Variants in ZMYND11 observed in about 807,000 individuals in gnomAD.
The protein encoded by ZMYND11 is zinc finger MYND-type containing 11, also known as zinc finger MYND domain-containing protein 11.
In ZMYND11, 9 loss-of-function variants were observed where a neutral mutation model predicts 84.9. That is an observed-to-expected ratio of 0.11 (90% CI 0.06 to 0.18). The LOEUF is 0.18. Among genes scored for constraint, ZMYND11 ranks in the 10% least tolerant of loss-of-function variants. The probability of loss-of-function intolerance (pLI) is 1.00; values close to 1 mark genes in which losing one functional copy is unlikely to be tolerated. For synonymous variants in ZMYND11, 250 were observed against 244.1 expected (o/e 1.02, Z -0.23); for missense variants, 409 against 761.0 (o/e 0.54, Z 5.44).
At chr10:247,038 A>G in intron 11 of ZMYND11, 65 bp downstream of exon 11, 1 of 1,417,204 alleles carries the variant, frequency 7.1e-7, no homozygotes. Flanking sequence ...ATCTTAGTGC[A>G]CACTCCTCAC....
intron 2 of ZMYND11, among the ~76,000 whole-genome samples, chr10:182,011 T>G (rs1847989912): frequency 1.3e-5 from 2 of 152,020 alleles, no homozygotes; most frequent in African/African-American, 4.8e-5. Context: ...TAAAATAAGG[T>G]TTTCTTTGGA....
chr10:180,937 C>T (rs1287099861), intron 2 of ZMYND11, among the ~76,000 whole-genome samples: 1 of 151,880 alleles, frequency 6.6e-6, no homozygotes, highest in Non-Finnish European at 1.5e-5. Flanking sequence ...CCCCCATCCC[C>T]TAGTTTCTCA....
chr10:228,948 GTGTA>G (rs1380800268), intron 4 of ZMYND11, among the ~76,000 whole-genome samples: 1 of 152,156 alleles, frequency 6.6e-6, no homozygotes, highest in Admixed American at 6.5e-5. Context: ...AGGTGTGTGT[GTGTA>G]TGTGTGTACC....
intron 2 of ZMYND11, among the ~76,000 whole-genome samples, chr10:206,413 A>G (rs144955078): frequency 9.2e-4 from 140 of 152,346 alleles, no homozygotes; most frequent in African/African-American, 3.2e-3. Flanking sequence ...TTCTATAGCC[A>G]TACTTAGTTT....
At position 236,831 on chromosome 10, in the gene ZMYND11, T is replaced by A. The variant is rs1950072373; in HGVS notation, c.439-7T>A. 1 of 1,607,654 alleles carries A rather than the reference T, an allele frequency of 6.2e-7. No homozygotes were observed. The highest frequency in any genetic ancestry group is 1.7e-5 in the Admixed American group (1 of 59,374). ...TGTACCTTTTTTTATTCTTTTTTTT[T>A]CAATAGAGCATTAAGAAGAAGAATA... On this transcript the variant is annotated splice_region_variant and splice_polypyrimidine_tract_variant and intron_variant, in intron 4 of 14. Coordinates refer to ENST00000381604, the MANE Select transcript of ZMYND11 (RefSeq NM_001370100.5).
chr10:230,704 A>AT (rs1451418563), intron 4 of ZMYND11, among the ~76,000 whole-genome samples: 2 of 152,148 alleles, frequency 1.3e-5, no homozygotes, highest in African/African-American at 4.8e-5. Flanking sequence ...AAATAAAATT[A>AT]TTTATGTTGG....
chr10:175,104 G>A (rs1455644691), intron 1 of ZMYND11, among the ~76,000 whole-genome samples: 1 of 152,176 alleles, frequency 6.6e-6, no homozygotes, highest in African/African-American at 2.4e-5. Context: ...GTGGACCTTG[G>A]GTCATAATGA....
chr10:155,359 G>T (rs533480209), intron 1 of ZMYND11, among the ~76,000 whole-genome samples: 15 of 152,176 alleles, frequency 9.9e-5, no homozygotes, highest in Middle Eastern at 3.4e-3. Flanking sequence ...GGTATATAAA[G>T]AATTTTTGGC....
intron 1 of ZMYND11, among the ~76,000 whole-genome samples, chr10:170,079 C>T (rs1038192428): frequency 6.6e-6 from 1 of 152,036 alleles, no homozygotes; most frequent in Non-Finnish European, 1.5e-5. Flanking sequence ...AGAATTACAT[C>T]TGACTTTTCT....
In ZMYND11 at chr10:248,584, T is replaced by C. The variant is rs757408179; in HGVS notation, c.1476T>C (p.Arg492=). ...CGGACCACAAGCGGGAGACAGAGCG[T>C]GTTGTCCGAGAAGCTCTGGAGAAGG... is the stretch of plus-strand genomic sequence containing the variant. The part of the protein sequence containing the change: ...MKSDHKRETE[R]VVREALEKLR... The change falls in exon 13 of 15, where the codon CGT becomes CGC. Residue 492 remains arginine, a synonymous_variant. Transcript: ENST00000381604. 1 of 1,610,894 alleles carries C rather than the reference T, an allele frequency of 6.2e-7. No individual in the cohort carries two copies. The highest frequency in any genetic ancestry group is 8.5e-7 in the Non-Finnish European group (1 of 1,179,168).
intron 2 of ZMYND11, among the ~76,000 whole-genome samples, chr10:189,779 A>G (rs761171473): frequency 6.6e-6 from 1 of 152,236 alleles, no homozygotes; most frequent in Non-Finnish European, 1.5e-5. Flanking sequence ...GTAGTACCAA[A>G]TAACAGGAGA....
At chr10:220,948 T>C (rs1279607387) in intron 3 of ZMYND11, among the ~76,000 whole-genome samples, 1 of 152,190 alleles carries the variant, frequency 6.6e-6, no homozygotes, top group African/African-American at 2.4e-5. Context: ...TTGGACATAC[T>C]TCATTTTGGA....
intron 2 of ZMYND11, among the ~76,000 whole-genome samples, chr10:190,201 A>G (rs1939963970): frequency 6.6e-6 from 1 of 152,054 alleles, no homozygotes; most frequent in African/African-American, 2.4e-5. Context: ...TTTCATCCTT[A>G]TGACTTTCTT....
intron 2 of ZMYND11, among the ~76,000 whole-genome samples, chr10:183,666 A>G (rs941041865): frequency 6.6e-6 from 1 of 152,246 alleles, no homozygotes; most frequent in African/African-American, 2.4e-5. Context: ...AGTTTTAAAA[A>G]TAGGATCCTT....
chr10:176,708 G>T (rs1259584492), intron 1 of ZMYND11, among the ~76,000 whole-genome samples: 1 of 152,146 alleles, frequency 6.6e-6, no homozygotes, highest in Non-Finnish European at 1.5e-5. Flanking sequence ...GAGGACAATT[G>T]AGTTTTATTT....
chr10:184,940 T>C (rs910046501), intron 2 of ZMYND11, among the ~76,000 whole-genome samples: 1 of 152,222 alleles, frequency 6.6e-6, no homozygotes. Flanking sequence ...CTTAGGGTCT[T>C]TTCAACTGAC....
chr10:170,429 TGC>T (rs1372104603), intron 1 of ZMYND11, among the ~76,000 whole-genome samples: 11 of 37,178 alleles, frequency 3.0e-4, no homozygotes, highest in Admixed American at 4.4e-4. Context: ...TGATTATGTG[TGC>T]GTGTGTGTGT....
At chr10:235,487 T>C (rs1949791375) in intron 4 of ZMYND11, among the ~76,000 whole-genome samples, 1 of 152,132 alleles carries the variant, frequency 6.6e-6, no homozygotes, top group Non-Finnish European at 1.5e-5. Context: ...ATCTATGCCA[T>C]GGACACTCTG....
chr10:194,548 A>G (rs1941266194), intron 2 of ZMYND11, among the ~76,000 whole-genome samples: 1 of 152,198 alleles, frequency 6.6e-6, no homozygotes, highest in Non-Finnish European at 1.5e-5. Flanking sequence ...AATCTATGAG[A>G]GTTCCAAATT....
Sources: allele counts gnomAD v4.1 joint callset (sites outside exome capture counted in the v4.1 genomes callset), GRCh38; gene constraint gnomAD v4.1.1; transcripts MANE v1.5; gene names NCBI Gene and HGNC (gene_info 2026-07-23, HGNC 2026-07-21).